Variants in TBC1D5 observed in about 807,000 individuals in gnomAD.
TBC1D5 encodes the protein TBC1 domain family, member 5.
Under a neutral mutation model 100.3 loss-of-function variants are expected in TBC1D5, and 75 were observed. The observed-to-expected ratio is 0.75, with a 90% CI of 0.62 to 0.91. TBC1D5 has a LOEUF of 0.91. Ranked by LOEUF, TBC1D5 falls within the 40% of genes least tolerant of loss-of-function variation. The pLI is 0.00. For synonymous variants in TBC1D5, 323 were observed against 325.6 expected (o/e 0.99, Z 0.09); for missense variants, 910 against 942.4 (o/e 0.97, Z 0.45).
chr3:17,501,730 G>A (rs1195743898), intron 3 of TBC1D5, among the ~76,000 whole-genome samples: 2 of 149,250 alleles, frequency 1.3e-5, no homozygotes, highest in Non-Finnish European at 2.9e-5. Flanking sequence ...ATACAGCCCT[G>A]ACAAAAACCC....
chr3:17,618,805 G>C lies in TBC1D5; in HGVS notation c.-36+5044C>G, dbSNP rs186581944. ...TGTCCCGTTTTTCCAGGTATAGTCTGTCACGGCTTCCCTTGGCTAAGAAAG... is the reference window on the plus strand; with the variant it reads ...TGTCCCGTTTTTCCAGGTATAGTCTCTCACGGCTTCCCTTGGCTAAGAAAG... On this transcript the variant is annotated intron_variant, in intron 2 of 21. Coordinates refer to ENST00000253692, the Ensembl canonical transcript of TBC1D5. Among the ~76,000 whole-genome samples the C allele has an allele frequency of 4.8e-4, 73 of 152,320 alleles. 1 individual carries two copies. Among genetic ancestry groups the C allele is most frequent in the Admixed American group, 3.7e-3 (56 of 15,302 alleles).
At chr3:17,466,071 C>T (rs997180650) in intron 3 of TBC1D5, among the ~76,000 whole-genome samples, 2 of 152,270 alleles carry the variant, frequency 1.3e-5, no homozygotes, top group African/African-American at 4.8e-5. Context: ...TGCCATCTTG[C>T]GTGGCATGAA....
At chr3:17,528,665 G>C (rs1157242119) in intron 2 of TBC1D5, among the ~76,000 whole-genome samples, 1 of 151,950 alleles carries the variant, frequency 6.6e-6, no homozygotes, top group Non-Finnish European at 1.5e-5. Context: ...GGGAAAGGCA[G>C]ATAAAAGGGA....
At chr3:17,386,816 G>C (rs1372004251) in intron 8 of TBC1D5, among the ~76,000 whole-genome samples, 5 of 152,064 alleles carry the variant, frequency 3.3e-5, no homozygotes, top group African/African-American at 7.2e-5. Flanking sequence ...TTCGGCTGAA[G>C]TTTTTCTTTT....
At chr3:17,264,792 C>T (rs2078681744) in intron 15 of TBC1D5, among the ~76,000 whole-genome samples, 1 of 152,192 alleles carries the variant, frequency 6.6e-6, no homozygotes, top group Non-Finnish European at 1.5e-5. Flanking sequence ...GTTCCCAGCA[C>T]AATACCAGGC....
At chr3:17,523,000 G>A (rs1464855502) in intron 2 of TBC1D5, among the ~76,000 whole-genome samples, 7 of 152,270 alleles carry the variant, frequency 4.6e-5, no homozygotes, top group Non-Finnish European at 1.0e-4. Context: ...AGCATCATTT[G>A]TCTTTCTCTG....
rs539547743 is a variant in TBC1D5, at chr3:17,234,252, G to C, written c.1588+3911C>G. Reference sequence around the variant, plus strand: ...CACATTAAGTAATGAAAAGATTTAAGTTACCACATGTACTTATAAATGTCA... The same window carrying C: ...CACATTAAGTAATGAAAAGATTTAACTTACCACATGTACTTATAAATGTCA... On this transcript the variant is annotated intron_variant, in intron 17 of 21. Transcript: ENST00000253692. Among the ~76,000 whole-genome samples, 10 of 152,160 alleles carry C rather than the reference G, an allele frequency of 6.6e-5. No homozygotes were observed. The East Asian group carries it at 1.9e-3, about 29-fold the overall frequency.
intron 13 of TBC1D5, among the ~76,000 whole-genome samples, chr3:17,312,687 G>C (rs1390927879): frequency 6.6e-6 from 1 of 152,132 alleles, no homozygotes; most frequent in Non-Finnish European, 1.5e-5. Flanking sequence ...TATTAAGGAA[G>C]GTTTCTTATT....
intron 1 of TBC1D5, among the ~76,000 whole-genome samples, chr3:17,638,690 TGAA>T (rs2064205810): frequency 6.6e-6 from 1 of 152,198 alleles, no homozygotes; most frequent in Non-Finnish European, 1.5e-5. Context: ...CAACTGAATT[TGAA>T]GAAGCCATTT....
intron 15 of TBC1D5, among the ~76,000 whole-genome samples, chr3:17,262,478 GTTTTTTTTTTTT>G (rs746293280): frequency 8.7e-6 from 1 of 114,984 alleles, no homozygotes; most frequent in African/African-American, 3.4e-5. Flanking sequence ...CCAAAACAAT[GTTTTTTTTTTTT>G]TTTTTTTTTG....
At chr3:17,416,293 A>G (rs1298012148) in intron 4 of TBC1D5, among the ~76,000 whole-genome samples, 1 of 152,256 alleles carries the variant, frequency 6.6e-6, no homozygotes, top group Non-Finnish European at 1.5e-5. Flanking sequence ...AGCACTGACC[A>G]TACATAGTTA....
chr3:17,202,870 C>T (rs2071642799), intron 18 of TBC1D5, among the ~76,000 whole-genome samples: 1 of 152,196 alleles, frequency 6.6e-6, no homozygotes, highest in South Asian at 2.1e-4. Flanking sequence ...TGGAAGTTGG[C>T]TATAGGGCTG....
At chr3:17,414,363 A>G (rs1442429709) in intron 4 of TBC1D5, among the ~76,000 whole-genome samples, 1 of 152,210 alleles carries the variant, frequency 6.6e-6, no homozygotes, top group Non-Finnish European at 1.5e-5. Context: ...CATTTATTTT[A>G]TCAAAAAGGA....
intron 1 of TBC1D5, among the ~76,000 whole-genome samples, chr3:17,661,504 CTTTTT>C (rs34017083): frequency 1.5e-5 from 2 of 133,394 alleles, no homozygotes; most frequent in Non-Finnish European, 1.6e-5. Flanking sequence ...TCATTAGCAT[CTTTTT>C]TTTTTTTTTT....
At chr3:17,160,847 G>T in exon 22 of TBC1D5, 2 of 1,318,406 alleles carry the variant, frequency 1.5e-6, no homozygotes, top group South Asian at 3.0e-5. Context: ...AATGCAAAAT[G>T]CATGCCGGGA....
intron 13 of TBC1D5, among the ~76,000 whole-genome samples, chr3:17,342,881 T>A (rs1240599660): frequency 6.6e-6 from 1 of 152,252 alleles, no homozygotes; most frequent in East Asian, 1.9e-4. Context: ...CCCTTATATG[T>A]ATATACTATT....
At chr3:17,512,083 G>A (rs1195043512) in intron 2 of TBC1D5, among the ~76,000 whole-genome samples, 4 of 151,882 alleles carry the variant, frequency 2.6e-5, no homozygotes, top group African/African-American at 9.7e-5. Flanking sequence ...AAGTTTGTCG[G>A]TTACTGCTAT....
In TBC1D5 at chr3:17,459,954, AGG is replaced by A. The variant is rs752323021; in HGVS notation, c.98-31437_98-31436del. Among the ~76,000 whole-genome samples the A allele has an allele frequency of 3.7e-4, 56 of 152,354 alleles. No homozygotes were observed. In the Middle Eastern group the frequency reaches 0.014, roughly 37 times the overall value. On this transcript the variant is annotated intron_variant, in intron 3 of 21. Transcript: ENST00000253692. ...GATATATCTGGTTACATTTAATGAC[AGG>A]AGTATACTTACACAAAAATAGCCTT...
chr3:17,375,136 T>C (rs1404724572), intron 10 of TBC1D5, among the ~76,000 whole-genome samples: 1 of 152,204 alleles, frequency 6.6e-6, no homozygotes, highest in East Asian at 1.9e-4. Flanking sequence ...TTTTACTTTT[T>C]AACAGATTGA....
Sources: gnomAD v4.1 joint callset for allele counts (sites outside exome capture counted in the v4.1 genomes callset) on GRCh38, gnomAD v4.1.1 for gene constraint, MANE v1.5 for transcripts, NCBI Gene and HGNC (gene_info 2026-07-23, HGNC 2026-07-21) for gene names.